The following RAD51B variants were observed in gnomAD, a reference collection of about 807,000 sequenced individuals.
RAD51B encodes RAD51 paralog B, also known as DNA repair protein RAD51 homolog 2.
In RAD51B, 38 loss-of-function variants were observed where a neutral mutation model predicts 42.2. That is an observed-to-expected ratio of 0.90 (90% CI 0.70 to 1.18). The LOEUF is 1.18. RAD51B is among the 50% of genes most tolerant of loss of function. The probability of loss-of-function intolerance (pLI) is 0.00; values close to 1 mark genes in which losing one functional copy is unlikely to be tolerated. For synonymous variants in RAD51B, 154 were observed against 145.2 expected (o/e 1.06, Z -0.43); for missense variants, 373 against 400.7 (o/e 0.93, Z 0.59).
intron 7 of RAD51B, among the ~76,000 whole-genome samples, chr14:68,108,479 C>T (rs188392324): frequency 2.0e-5 from 3 of 152,026 alleles, no homozygotes; most frequent in African/African-American, 4.8e-5. Flanking sequence ...CATGGATGAA[C>T]GTTCTGTTAA....
rs1595169851 is a variant in RAD51B, at chr14:67,960,490, G to A, written c.756+73286G>A. On this transcript the variant is annotated intron_variant, in intron 7 of 10. Transcript: ENST00000471583. ...TTTAGAAAAATAGATTTTTGTTCTAGGACCCTGTCCCAAGATTTTAGGAAT... is the reference window on the plus strand; with the variant it reads ...TTTAGAAAAATAGATTTTTGTTCTAAGACCCTGTCCCAAGATTTTAGGAAT... Among the ~76,000 whole-genome samples, 4 of 152,158 alleles carry A rather than the reference G, an allele frequency of 2.6e-5. No individual in the cohort carries two copies. The East Asian group carries it at 7.7e-4, about 29-fold the overall frequency.
chr14:67,850,394 A>C (rs2041764983), intron 4 of RAD51B, among the ~76,000 whole-genome samples: 1 of 151,820 alleles, frequency 6.6e-6, no homozygotes, highest in Admixed American at 6.6e-5. Flanking sequence ...TCCCCCACTC[A>C]CTAAAGGGTG....
At chr14:68,424,343 A>G (rs1005677242) in intron 9 of RAD51B, among the ~76,000 whole-genome samples, 1 of 152,134 alleles carries the variant, frequency 6.6e-6, no homozygotes, top group African/African-American at 2.4e-5. Flanking sequence ...GTCTAGTAAA[A>G]TGACAAAACT....
rs150676420 is a variant in RAD51B, at chr14:68,299,488, G to T, written c.853+7508G>T. 1.6e-3 allele frequency among the ~76,000 whole-genome samples: 239 copies of T among 152,228 alleles called. 10 individuals carry two copies. In the East Asian group the frequency reaches 0.032, roughly 20 times the overall value. On this transcript the variant is annotated intron_variant, in intron 8 of 10. Coordinates refer to ENST00000471583, the MANE Select transcript of RAD51B (RefSeq NM_133510.4). ...TATTAGGTATTATAAATAATCTAGA[G>T]ATTATTTAAAGTATCCAGGAGGATG...
chr14:68,331,191 G>C (rs10136837), intron 8 of RAD51B, among the ~76,000 whole-genome samples: 6 of 151,068 alleles, frequency 4.0e-5, no homozygotes, highest in Admixed American at 1.3e-4. Flanking sequence ...GTGAAACCCC[G>C]TCTCTACTAA....
intron 9 of RAD51B, among the ~76,000 whole-genome samples, chr14:68,465,517 A>T (rs565410963): frequency 6.6e-6 from 1 of 152,300 alleles, no homozygotes; most frequent in East Asian, 1.9e-4. Flanking sequence ...CTCAGGCTCC[A>T]CTCAAAACCT....
At chr14:68,363,898 C>A (rs556934830) in intron 8 of RAD51B, among the ~76,000 whole-genome samples, 5 of 152,268 alleles carry the variant, frequency 3.3e-5, no homozygotes, top group African/African-American at 1.2e-4. Flanking sequence ...AGAGAAGGGG[C>A]CACATCGGTC....
chr14:68,039,631 A>G (rs1188771201), intron 7 of RAD51B, among the ~76,000 whole-genome samples: 1 of 152,190 alleles, frequency 6.6e-6, no homozygotes, highest in Non-Finnish European at 1.5e-5. Flanking sequence ...TAACTAAACA[A>G]ACCCATCAGC....
At chr14:68,596,371 A>G (rs1382760667), downstream of RAD51B, among the ~76,000 whole-genome samples, 1 of 152,094 alleles carries the variant, frequency 6.6e-6, no homozygotes, top group South Asian at 2.1e-4. Context: ...TGGGTTTTCA[A>G]CCATGGGGGT....
chr14:68,059,992 C>T (rs1338001330), intron 7 of RAD51B, among the ~76,000 whole-genome samples: 3 of 152,150 alleles, frequency 2.0e-5, no homozygotes, highest in Admixed American at 2.0e-4. Flanking sequence ...CCTGAAATAT[C>T]TTTCAGATTC....
At chr14:68,162,903 T>G (rs2078672845) in intron 7 of RAD51B, among the ~76,000 whole-genome samples, 1 of 152,266 alleles carries the variant, frequency 6.6e-6, no homozygotes, top group African/African-American at 2.4e-5. Flanking sequence ...TTTCTTCCTG[T>G]AAGCATGTGC....
In RAD51B at chr14:68,350,172, C is replaced by T. The variant is rs182262185; in HGVS notation, c.853+58192C>T. 3.4e-4 allele frequency among the ~76,000 whole-genome samples: 52 copies of T among 152,256 alleles called. No individual in the cohort carries two copies. The East Asian group carries it at 4.0e-3, about 12-fold the overall frequency. On this transcript the variant is annotated intron_variant, in intron 8 of 10. Coordinates refer to ENST00000471583, the MANE Select transcript of RAD51B (RefSeq NM_133510.4). ...GGGAAGGATAATTTAAAGCCATTTC[C>T]GTTTGTTATGTCTGAGCTGAACTAG...
intron 5 of RAD51B, among the ~76,000 whole-genome samples, chr14:67,875,290 A>G (rs2042689644): frequency 6.6e-6 from 1 of 152,180 alleles, no homozygotes; most frequent in Non-Finnish European, 1.5e-5. Flanking sequence ...AGGTACTTGT[A>G]TTGGTAGTGT....
intron 9 of RAD51B, among the ~76,000 whole-genome samples, chr14:68,458,773 T>G (rs1368520855): frequency 6.6e-6 from 1 of 151,980 alleles, no homozygotes; most frequent in Non-Finnish European, 1.5e-5. Flanking sequence ...GTAGAAAAAC[T>G]TGGGAAGTAG....
intron 11 of RAD51B, among the ~76,000 whole-genome samples, chr14:68,674,896 T>C (rs1893272811): frequency 6.6e-6 from 1 of 152,210 alleles, no homozygotes; most frequent in East Asian, 1.9e-4. Flanking sequence ...ACCTGGACGA[T>C]GGGCCGCTGC....
At chr14:68,205,948 T>C (rs1313694545) in intron 7 of RAD51B, among the ~76,000 whole-genome samples, 1 of 152,186 alleles carries the variant, frequency 6.6e-6, no homozygotes, top group Non-Finnish European at 1.5e-5. Flanking sequence ...TATGCCAGTT[T>C]TGTCAGTTGG....
At chr14:67,870,118 C>G (rs1439520343) in intron 5 of RAD51B, among the ~76,000 whole-genome samples, 1 of 149,388 alleles carries the variant, frequency 6.7e-6, no homozygotes, top group Non-Finnish European at 1.5e-5. Context: ...ACTAAATGCT[C>G]CAATTAAAAG....
At chr14:68,208,329 ACTAAAAGCAATGACC>A (rs576903907) in intron 7 of RAD51B, among the ~76,000 whole-genome samples, 4 of 152,314 alleles carry the variant, frequency 2.6e-5, no homozygotes, top group African/African-American at 9.6e-5. Context: ...GCTGGGCCTC[ACTAAAAGCAATGACC>A]CAGCCTGTGG....
chr14:68,579,013 C>A (rs1890094667), intron 10 of RAD51B, among the ~76,000 whole-genome samples: 2 of 152,102 alleles, frequency 1.3e-5, no homozygotes, highest in South Asian at 4.2e-4. Flanking sequence ...TGGTTCTGTG[C>A]AGAGTAAAGA....
Sources: gnomAD v4.1 joint callset for allele counts (sites outside exome capture counted in the v4.1 genomes callset) on GRCh38, gnomAD v4.1.1 for gene constraint, MANE v1.5 for transcripts, NCBI Gene and HGNC (gene_info 2026-07-23, HGNC 2026-07-21) for gene names.